UNKL: variants seen among roughly 807,000 people sequenced by gnomAD.
UNKL encodes the protein putative E3 ubiquitin-protein ligase UNKL.
Under a neutral mutation model 78.0 loss-of-function variants are expected in UNKL, and 60 were observed. That is an observed-to-expected ratio of 0.77 (90% CI 0.63 to 0.95). The LOEUF is 0.95. UNKL is among the 40% of genes least tolerant of loss of function. UNKL has a pLI of 0.00. For missense variants in UNKL, 1,159 were observed against 1,045.7 expected (o/e 1.11, Z -1.49); for synonymous variants, 608 against 474.8 (o/e 1.28, Z -3.65).
In UNKL at chr16:1,392,951, C is replaced by T; in HGVS notation, c.963G>A (p.Trp321Ter). The change falls in exon 8 of 15, where the codon TGG becomes TGA. Residue 321 changes from tryptophan (W) to a stop codon, truncating the protein, a stop_gained. Coordinates refer to ENST00000389221, the MANE Select transcript of UNKL (RefSeq NM_001372107.1). LOFTEE classifies it high-confidence loss of function. ...VEKSLGMVNEWGCHDLHLTSP... is the reference protein window; with the variant it reads ...VEKSLGMVNE ...TCGTGAGGTGGAGGTCGTGACAGCC[C>T]CATTCATTCACCATCCCCAGGCTCT... The T allele has an allele frequency of 6.4e-7, 1 of 1,550,570 alleles. No individual in the cohort carries two copies. Among genetic ancestry groups the T allele is most frequent in the Non-Finnish European group, 8.7e-7 (1 of 1,147,000 alleles).
chr16:1,398,681 A>ACGCCCC, intron 5 of UNKL: 4 of 694,486 alleles, frequency 5.8e-6, no homozygotes, highest in South Asian at 2.2e-5. Flanking sequence ...TGGGGTCTGC[A>ACGCCCC]CCCCCCCACC....
In UNKL at chr16:1,390,695, C is replaced by T. The variant is rs1282311849; in HGVS notation, c.1024-1G>A. The T allele has an allele frequency of 6.5e-7, 1 of 1,535,966 alleles. No individual in the cohort carries two copies. The highest frequency in any genetic ancestry group is 8.7e-7 in the Non-Finnish European group (1 of 1,146,866). On this transcript the variant is annotated splice_acceptor_variant, in intron 8 of 14. Coordinates refer to ENST00000389221, the MANE Select transcript of UNKL (RefSeq NM_001372107.1). LOFTEE classifies it high-confidence loss of function. ...CGGCCGGCGAGTCTCTCCGCTTGGC[C>T]TGCAACATAAAAAACAGTCATATGT...
chr16:1,406,361 T>A (rs1189144792), intron 2 of UNKL, among the ~76,000 whole-genome samples: 1 of 152,140 alleles, frequency 6.6e-6, no homozygotes. Context: ...TACAGGCACC[T>A]GCCACCATGC....
At chr16:1,391,160 TAC>T (rs59407356) in intron 8 of UNKL, among the ~76,000 whole-genome samples, 2,504 of 144,694 alleles carry the variant, frequency 0.017, 40 homozygotes, top group Middle Eastern at 0.048. Flanking sequence ...CAAAAAAAAA[TAC>T]ACACACACAC....
In UNKL at chr16:1,399,127, G is replaced by A; in HGVS notation, c.734+247C>T. The A allele has an allele frequency of 8.4e-7, 1 of 1,185,176 alleles. No individual in the cohort carries two copies. The highest frequency in any genetic ancestry group is 1.1e-6 in the Non-Finnish European group (1 of 875,604). 73.4% of individuals were successfully genotyped at this position (1,185,176 alleles called of 1,614,324 possible). On this transcript the variant is annotated intron_variant, in intron 5 of 14. Transcript: ENST00000389221. The surrounding 1 kb of genome is among the most constrained non-coding windows in gnomAD (Gnocchi z 5.8). ...GTGCTCCGTCCCCTTGCCTGGCAGA[G>A]GGGCCCCGGTAGGGGACTGCATGGG...
chr16:1,384,556 A>AG (rs2036734951), intron 10 of UNKL, among the ~76,000 whole-genome samples: 1 of 139,580 alleles, frequency 7.2e-6, no homozygotes, highest in African/African-American at 2.7e-5. Flanking sequence ...TCCCCACCCC[A>AG]TCACTGTCCC....
chr16:1,374,633 G>A (rs1025859333), intron 10 of UNKL, among the ~76,000 whole-genome samples: 4 of 152,060 alleles, frequency 2.6e-5, no homozygotes, highest in Admixed American at 2.0e-4. Context: ...ACCCGACATC[G>A]AGTCCCGCCC....
At chr16:1,366,724 G>A (rs745698448) in intron 14 of UNKL, among the ~76,000 whole-genome samples, 20 of 152,200 alleles carry the variant, frequency 1.3e-4, no homozygotes, top group South Asian at 2.1e-4. Context: ...CTATAGCAGC[G>A]AGTCCAAGAG....
chr16:1,393,021 C>A, intron 7 of UNKL, 45 bp from the exon 8 acceptor site: 1 of 1,538,292 alleles, frequency 6.5e-7, no homozygotes, highest in South Asian at 1.2e-5. Context: ...CGCTGGTGGG[C>A]GACAGTGACA....
chr16:1,395,516 TG>T, intron 6 of UNKL: 2 of 334,632 alleles, frequency 6.0e-6, no homozygotes, highest in South Asian at 4.4e-5. Flanking sequence ...ACTACACGGC[TG>T]GGTGTGAACA....
intron 5 of UNKL, among the ~76,000 whole-genome samples, chr16:1,397,964 G>A (rs897565581): frequency 2.6e-5 from 4 of 152,224 alleles, no homozygotes; most frequent in East Asian, 1.9e-4. Flanking sequence ...ACGCAGGCCC[G>A]GCCAGTGCCA....
rs560077727 is a variant in UNKL, at chr16:1,414,168, C to T, written c.78-113G>A. 272 of 1,087,470 alleles carry T rather than the reference C, an allele frequency of 2.5e-4. 2 individuals are homozygous for T. In the African/African-American group the frequency reaches 3.9e-3, roughly 16 times the overall value. 67.4% of individuals were successfully genotyped at this position (1,087,470 alleles called of 1,614,324 possible). A position where few individuals can be genotyped will look rare whatever the true frequency, so the allele number is the denominator to read the frequency against. On this transcript the variant is annotated intron_variant, in intron 1 of 14. Transcript: ENST00000389221. ...AGCCTCAACCCAGGGTCGACCCGTACTCACATTCCCGGCGGGCCCCAGGCG... is the reference window on the plus strand; with the variant it reads ...AGCCTCAACCCAGGGTCGACCCGTATTCACATTCCCGGCGGGCCCCAGGCG...
rs562868806 is a variant in UNKL, at chr16:1,385,933, G to C, written c.1087-548C>G. 5.3e-5 allele frequency among the ~76,000 whole-genome samples: 8 copies of C among 152,372 alleles called. No homozygotes were observed. In the South Asian group the frequency reaches 1.7e-3, roughly 32 times the overall value. On this transcript the variant is annotated intron_variant, in intron 9 of 14. Coordinates refer to ENST00000389221, the MANE Select transcript of UNKL (RefSeq NM_001372107.1). ...TCGTCACCAGGGAAAGTAAAACACA[G>C]GGCAATTCACATGATCTGTATTTGG...
chr16:1,371,393 G>C (rs1233599414), intron 11 of UNKL, 126 bp downstream of exon 11: 20 of 882,504 alleles, frequency 2.3e-5, no homozygotes, highest in Non-Finnish European at 3.3e-5. Flanking sequence ...GTCCAGGCAG[G>C]AGTGCAGTGG....
Position 1,385,325 on chromosome 16 carries a change from C to A in UNKL, c.1147G>T (p.Ala383Ser). The change falls in exon 10 of 15, where the codon GCG becomes TCG. Residue 383 changes from alanine (A) to serine (S), a missense_variant. By Grantham distance (99) the Ala-to-Ser change is moderately conservative. Transcript: ENST00000389221. ...CCGGCGCTGGACGCCAGGCTGGACG[C>A]CACGCTGGAGCTCACGCTGGGGGCC... ...PPAPSVSSSV[A>S]SSLASSAGSG... is the part of the protein sequence containing the mutation. The A allele has an allele frequency of 7.0e-7, 1 of 1,423,346 alleles. No individual in the cohort carries two copies. The highest frequency in any genetic ancestry group is 9.1e-7 in the Non-Finnish European group (1 of 1,092,932). The allele number at this position is 1,423,346 out of a possible 1,614,324, so 88.2% of individuals were successfully genotyped here.
At chr16:1,368,136 TCAAGTTCCTGGGAC>T in intron 12 of UNKL, 1 of 495,818 alleles carries the variant, frequency 2.0e-6, no homozygotes, top group Non-Finnish European at 3.6e-6. Flanking sequence ...GGAATTAAAT[TCAAGTTCCTGGGAC>T]CACACCATGA....
intron 10 of UNKL, among the ~76,000 whole-genome samples, chr16:1,375,157 G>A (rs921393089): frequency 3.9e-5 from 6 of 152,298 alleles, no homozygotes; most frequent in South Asian, 2.1e-4. Flanking sequence ...GAGTATCCTC[G>A]TGCCGCGGTG....
Position 1,392,873 on chromosome 16 carries a change from G to GA in UNKL, c.1023+17_1023+18insT. The GA allele has an allele frequency of 6.4e-7, 1 of 1,550,456 alleles. No individual in the cohort carries two copies. Among genetic ancestry groups the GA allele is most frequent in the Non-Finnish European group, 8.7e-7 (1 of 1,146,890 alleles). On this transcript the variant is annotated intron_variant, in intron 8 of 14. Transcript: ENST00000389221. ...CCAAAGGACACTGGGCATTGTCCTG[G>GA]GAAGGCCGTTCACTTACATTTCCCG...
At chr16:1,404,678 C>T (rs541668092) in intron 2 of UNKL, among the ~76,000 whole-genome samples, 2 of 152,326 alleles carry the variant, frequency 1.3e-5, no homozygotes, top group African/African-American at 4.8e-5. Flanking sequence ...TTCACAGCAG[C>T]GTCATTCGCA....
Sources: gnomAD v4.1 joint callset for allele counts (sites outside exome capture counted in the v4.1 genomes callset) on GRCh38, gnomAD v4.1.1 for gene constraint, Gnocchi (gnomAD v3.1) non-coding constraint, MANE v1.5 for transcripts, NCBI Gene and HGNC (gene_info 2026-07-23, HGNC 2026-07-21) for gene names.